The following HPSE2 variants were observed in gnomAD, a reference collection of about 807,000 sequenced individuals.
The protein encoded by HPSE2 is inactive heparanase-2.
In HPSE2, 38 loss-of-function variants were observed where a neutral mutation model predicts 60.5. The observed-to-expected ratio is 0.63, with a 90% CI of 0.48 to 0.82. The LOEUF is 0.82. Among genes scored for constraint, HPSE2 ranks in the 40% least tolerant of loss-of-function variants. The probability of loss-of-function intolerance (pLI) is 0.00; values close to 1 mark genes in which losing one functional copy is unlikely to be tolerated. For missense variants in HPSE2, 713 were observed against 740.4 expected (o/e 0.96, Z 0.43); for synonymous variants, 295 against 293.2 (o/e 1.01, Z -0.06).
intron 3 of HPSE2, among the ~76,000 whole-genome samples, chr10:99,021,459 A>G (rs1957260736): frequency 6.6e-6 from 1 of 152,178 alleles, no homozygotes; most frequent in African/African-American, 2.4e-5. Flanking sequence ...TTCAAAGCTC[A>G]TGTTCCTGGT....
intron 2 of HPSE2, among the ~76,000 whole-genome samples, chr10:99,181,329 C>T (rs1186917429): frequency 2.2e-5 from 3 of 138,320 alleles, no homozygotes; most frequent in Admixed American, 7.6e-5. Flanking sequence ...ACCCGGGAGG[C>T]GGAGCTTGCA....
intron 3 of HPSE2, among the ~76,000 whole-genome samples, chr10:98,938,891 C>A (rs1280931567): frequency 6.9e-6 from 1 of 144,280 alleles, no homozygotes; most frequent in Non-Finnish European, 1.5e-5. Context: ...GATCTCTTGG[C>A]AGAAACTCTA....
intron 3 of HPSE2, among the ~76,000 whole-genome samples, chr10:98,797,879 A>C (rs1399147137): frequency 4.6e-5 from 7 of 151,996 alleles, no homozygotes; most frequent in African/African-American, 7.2e-5. Context: ...AAAAACAAAA[A>C]CAAAAAGAGA....
At chr10:98,613,913 G>C (rs538714029) in intron 9 of HPSE2, among the ~76,000 whole-genome samples, 69 of 152,194 alleles carry the variant, frequency 4.5e-4, no homozygotes, top group Non-Finnish European at 4.4e-5. Context: ...TCTGATAAGC[G>C]TAGCTTTTCT....
chr10:98,710,706 C>T (rs912788963), intron 5 of HPSE2, among the ~76,000 whole-genome samples: 5 of 152,192 alleles, frequency 3.3e-5, no homozygotes, highest in African/African-American at 4.8e-5. Context: ...CTCAAGATCA[C>T]ACAGGCAGTT....
chr10:99,222,649 A>G (rs1849351639), intron 2 of HPSE2, among the ~76,000 whole-genome samples: 1 of 152,174 alleles, frequency 6.6e-6, no homozygotes, highest in Non-Finnish European at 1.5e-5. Context: ...CAATAACACC[A>G]TTGATCCATT....
intron 3 of HPSE2, among the ~76,000 whole-genome samples, chr10:99,060,372 A>C (rs2135521545): frequency 6.6e-6 from 1 of 152,208 alleles, no homozygotes; most frequent in East Asian, 1.9e-4. Flanking sequence ...TAAAAAACAA[A>C]AATAGGCTGG....
In HPSE2 at chr10:98,470,779, G is replaced by A. The variant is rs114592732; in HGVS notation, c.1614-11040C>T. Among the ~76,000 whole-genome samples the A allele has an allele frequency of 2.9e-3, 435 of 152,294 alleles. 4 individuals are homozygous for A. Among genetic ancestry groups the A allele is most frequent in the African/African-American group, 0.01 (421 of 41,564 alleles). ...ATGGAAATCCCTGCCTACAACGAGGGTCCCTAAGTGAGTGGAGGTGAAGAG... is the reference window on the plus strand; with the variant it reads ...ATGGAAATCCCTGCCTACAACGAGGATCCCTAAGTGAGTGGAGGTGAAGAG... On this transcript the variant is annotated intron_variant, in intron 11 of 11. Transcript: ENST00000370552.
chr10:99,094,957 GT>G (rs767046326), intron 3 of HPSE2, among the ~76,000 whole-genome samples: 6 of 152,110 alleles, frequency 3.9e-5, no homozygotes, highest in Non-Finnish European at 8.8e-5. Context: ...GGAGGCCAAG[GT>G]GGGAGGATCG....
At chr10:99,093,995 G>T (rs562965033) in intron 3 of HPSE2, among the ~76,000 whole-genome samples, 2 of 152,038 alleles carry the variant, frequency 1.3e-5, no homozygotes, top group African/African-American at 4.8e-5. Flanking sequence ...TCAATACATT[G>T]ATTTTTTTAC....
chr10:99,234,863 G>T (rs1849786306), intron 1 of HPSE2, among the ~76,000 whole-genome samples: 1 of 152,016 alleles, frequency 6.6e-6, no homozygotes, highest in African/African-American at 2.4e-5. Context: ...ACTGGCGGGG[G>T]GAGGGGGGCA....
At chr10:98,591,431 C>A (rs1412679461) in intron 9 of HPSE2, among the ~76,000 whole-genome samples, 1 of 152,090 alleles carries the variant, frequency 6.6e-6, no homozygotes, top group Non-Finnish European at 1.5e-5. Context: ...GGGAGGCTGA[C>A]AGGGGCAGAT....
rs560697296 is a variant in HPSE2, at chr10:99,227,599, A to C, written c.448+4749T>G. Among the ~76,000 whole-genome samples, 6 of 152,004 alleles carry C rather than the reference A, an allele frequency of 3.9e-5. No individual in the cohort carries two copies. In the South Asian group the frequency reaches 1.2e-3, roughly 32 times the overall value. ...GTGTTGAAAGTGTAAAATGAATGGA[A>C]TCTTCATGTATACCTTCAGTCATTT... On this transcript the variant is annotated intron_variant, in intron 2 of 11. Transcript: ENST00000370552.
chr10:99,142,804 C>T lies in HPSE2; in HGVS notation c.610+1434G>A, dbSNP rs796912276. Among the ~76,000 whole-genome samples the T allele has an allele frequency of 4.6e-5, 7 of 152,218 alleles. No individual in the cohort carries two copies. The South Asian group carries it at 1.2e-3, about 27-fold the overall frequency. ...GCCTTCAAGCCATACTCTGGAGCCT[C>T]GGTTTAGGGTTAGAATTACCCTAAG... On this transcript the variant is annotated intron_variant, in intron 3 of 11. Transcript: ENST00000370552.
At chr10:99,131,803 AC>A (rs1845396950) in intron 3 of HPSE2, among the ~76,000 whole-genome samples, 2 of 152,060 alleles carry the variant, frequency 1.3e-5, no homozygotes, top group African/African-American at 2.4e-5. Flanking sequence ...TGATGAGTGC[AC>A]CAAAATCTCA....
intron 9 of HPSE2, among the ~76,000 whole-genome samples, chr10:98,493,416 C>T (rs1248037710): frequency 6.6e-6 from 1 of 152,068 alleles, no homozygotes; most frequent in Non-Finnish European, 1.5e-5. Flanking sequence ...ACTGTTATTG[C>T]AGAAGTGTCT....
chr10:98,689,753 G>A (rs1273615688), intron 6 of HPSE2, among the ~76,000 whole-genome samples: 4 of 152,186 alleles, frequency 2.6e-5, no homozygotes, highest in Admixed American at 6.5e-5. Context: ...ATGAATGACT[G>A]ATCTTCTTGT....
intron 9 of HPSE2, among the ~76,000 whole-genome samples, chr10:98,604,247 A>G (rs1945514584): frequency 6.6e-6 from 1 of 152,172 alleles, no homozygotes; most frequent in African/African-American, 2.4e-5. Context: ...GACAAAGCAA[A>G]TAGTATGCAA....
intron 4 of HPSE2, among the ~76,000 whole-genome samples, chr10:98,734,394 G>GTTTTTTTT (rs1949299153): frequency 6.6e-6 from 1 of 152,112 alleles, no homozygotes; most frequent in African/African-American, 2.4e-5. Flanking sequence ...GGGTTACTTG[G>GTTTTTTTT]TAATTTTATG....
Sources: allele counts gnomAD v4.1 joint callset (sites outside exome capture counted in the v4.1 genomes callset), GRCh38; gene constraint gnomAD v4.1.1; transcripts MANE v1.5; gene names NCBI Gene and HGNC (gene_info 2026-07-23, HGNC 2026-07-21).